The following CASQ2 variants were observed in gnomAD, a reference collection of about 807,000 sequenced individuals.
CASQ2 encodes calsequestrin-2.
Under a neutral mutation model 46.5 loss-of-function variants are expected in CASQ2, and 49 were observed. That is an observed-to-expected ratio of 1.05 (90% CI 0.84 to 1.34). CASQ2 has a LOEUF of 1.34. CASQ2 is among the 40% of genes most tolerant of loss of function. The pLI is 0.00. For synonymous variants in CASQ2, 174 were observed against 168.5 expected (o/e 1.03, Z -0.25); for missense variants, 486 against 481.3 (o/e 1.01, Z -0.09).
At chr1:115,762,918 A>G (rs1323347677) in intron 1 of CASQ2, among the ~76,000 whole-genome samples, 1 of 152,016 alleles carries the variant, frequency 6.6e-6, no homozygotes, top group African/African-American at 2.4e-5. Flanking sequence ...GGGCTCAGGA[A>G]CTCACAATGT....
At position 115,701,253 on chromosome 1, in the gene CASQ2, ATCG is replaced by A. The variant is rs397516641; in HGVS notation, c.1185_1187del (p.Asp398del). 9,812 of 1,600,538 alleles carry A rather than the reference ATCG, an allele frequency of 6.1e-3. 55 individuals are homozygous for A. Among genetic ancestry groups the A allele is most frequent in the Non-Finnish European group, 7.6e-3 (8,831 of 1,168,318 alleles). ...GTTTGGAGTTGGGCTATTCATCATCATCGTCATCACTGTCATCATTATCCTCTT... is the reference window on the plus strand; with the variant it reads ...GTTTGGAGTTGGGCTATTCATCATCATCATCACTGTCATCATTATCCTCTT... On this transcript the variant is annotated inframe_deletion, in exon 11 of 11. Coordinates refer to ENST00000261448, the MANE Select transcript of CASQ2 (RefSeq NM_001232.4).
rs1179094272 is a variant in CASQ2, at chr1:115,701,268, A to T, written c.1173T>A (p.Asp391Glu). ...ATTCATCATCATCGTCATCACTGTCATCATTATCCTCTTCATCAGAATTAT... is the reference window on the plus strand; with the variant it reads ...ATTCATCATCATCGTCATCACTGTCTTCATTATCCTCTTCATCAGAATTAT... ...DDDNSDEEDN[D>E]DSDDDDDE is the part of the protein sequence containing the mutation. The change falls in exon 11 of 11, where the codon GAT becomes GAA. Residue 391 changes from aspartate to glutamate, a missense_variant. Coordinates refer to ENST00000261448, the MANE Select transcript of CASQ2 (RefSeq NM_001232.4). 1 of 1,605,870 alleles carries T rather than the reference A, an allele frequency of 6.2e-7. No homozygotes were observed. The highest frequency in any genetic ancestry group is 8.5e-7 in the Non-Finnish European group (1 of 1,172,636).
chr1:115,733,932 A>C (rs2101087259), intron 4 of CASQ2, among the ~76,000 whole-genome samples: 1 of 152,356 alleles, frequency 6.6e-6, no homozygotes, highest in South Asian at 2.1e-4. Context: ...GAGGATACCA[A>C]AATGAATAAG....
At position 115,700,783 on chromosome 1, in the gene CASQ2, C is replaced by T. The variant is rs553281968; in HGVS notation, c.*458G>A. 1.8e-4 allele frequency: 79 copies of T among 451,366 alleles called. 1 individual carries two copies. The highest frequency in any genetic ancestry group is 1.6e-3 in the South Asian group (25 of 15,572). The allele number at this position is 451,366 out of a possible 1,614,324, so 28.0% of individuals were successfully genotyped here. ...TGGAGGAGGGATCCCAACTGATGTT[C>T]GAGGTATGGAGGGAGCTAAATCATT... On this transcript the variant is annotated 3_prime_UTR_variant, in exon 11 of 11. Coordinates refer to ENST00000261448, the MANE Select transcript of CASQ2 (RefSeq NM_001232.4).
At chr1:115,762,083 C>A (rs911049337) in intron 1 of CASQ2, among the ~76,000 whole-genome samples, 1 of 152,164 alleles carries the variant, frequency 6.6e-6, no homozygotes, top group African/African-American at 2.4e-5. Context: ...CGGGCAGCAG[C>A]CTTAGACTTT....
At chr1:115,735,400 T>C (rs575595149) in intron 4 of CASQ2, among the ~76,000 whole-genome samples, 2 of 152,338 alleles carry the variant, frequency 1.3e-5, no homozygotes, top group African/African-American at 4.8e-5. Context: ...ATGCTTACTT[T>C]GAAAATATTT....
At chr1:115,730,308 C>T (rs1647741945) in intron 5 of CASQ2, among the ~76,000 whole-genome samples, 1 of 152,200 alleles carries the variant, frequency 6.6e-6, no homozygotes, top group Admixed American at 6.5e-5. Flanking sequence ...ACATCTCACC[C>T]TCTTTACAGT....
chr1:115,756,231 G>T lies in CASQ2; in HGVS notation c.235-11319C>A, dbSNP rs115827328. On this transcript the variant is annotated intron_variant, in intron 1 of 10. Transcript: ENST00000261448. ...GAACTGGCACTCCGGGCACACAGAA[G>T]CAGCTCTGGCTTGCCTAGCCCATCA... Among the ~76,000 whole-genome samples the T allele has an allele frequency of 2.2e-3, 332 of 152,296 alleles. 2 individuals carry two copies. Among genetic ancestry groups the T allele is most frequent in the Non-Finnish European group, 3.8e-3 (260 of 68,028 alleles).
Position 115,762,010 on chromosome 1 carries a change from T to C in CASQ2, c.234+6298A>G, listed in dbSNP as rs547741691. ...TAGCAGAGCATCCCAACAGCCTCTA[T>C]TGGTGAGCTAAAATGAGACCTTCTT... is the stretch of plus-strand genomic sequence containing the variant. On this transcript the variant is annotated intron_variant, in intron 1 of 10. Transcript: ENST00000261448. Among the ~76,000 whole-genome samples the C allele has an allele frequency of 3.9e-5, 6 of 152,298 alleles. No individual in the cohort carries two copies. In the East Asian group the frequency reaches 9.7e-4, roughly 25 times the overall value.
At chr1:115,757,464 A>G (rs1163971242) in intron 1 of CASQ2, among the ~76,000 whole-genome samples, 2 of 152,176 alleles carry the variant, frequency 1.3e-5, no homozygotes, top group Middle Eastern at 3.2e-3. Context: ...TTGGTCAGTG[A>G]ACAGTTGGAA....
chr1:115,703,526 C>A (rs993829856), intron 9 of CASQ2, among the ~76,000 whole-genome samples: 1 of 152,000 alleles, frequency 6.6e-6, no homozygotes, highest in Non-Finnish European at 1.5e-5. Flanking sequence ...GGTAGGAAAT[C>A]TCCCACGCAA....
intron 1 of CASQ2, among the ~76,000 whole-genome samples, chr1:115,747,909 C>A (rs1234677844): frequency 6.6e-6 from 1 of 152,108 alleles, no homozygotes; most frequent in Non-Finnish European, 1.5e-5. Flanking sequence ...CTAATAATTT[C>A]TTCCTTTTTC....
chr1:115,739,010 C>T (rs1172214118), intron 3 of CASQ2, among the ~76,000 whole-genome samples: 1 of 146,764 alleles, frequency 6.8e-6, no homozygotes, highest in Non-Finnish European at 1.5e-5. Context: ...TTTCACTTAA[C>T]ATAATGTTCT....
intron 1 of CASQ2, 78 bp from the exon 2 acceptor site, chr1:115,744,990 G>T: frequency 1.9e-6 from 2 of 1,026,450 alleles, no homozygotes; most frequent in Non-Finnish European, 3.1e-6. Flanking sequence ...CTATCCTCAT[G>T]TATCAATGGA....
chr1:115,764,467 TG>T (rs1251049856), intron 1 of CASQ2, among the ~76,000 whole-genome samples: 2 of 152,236 alleles, frequency 1.3e-5, no homozygotes, highest in Admixed American at 6.5e-5. Context: ...TTACTTTTAT[TG>T]CCTTTTAGTT....
intron 3 of CASQ2, among the ~76,000 whole-genome samples, chr1:115,739,423 C>T (rs1648101899): frequency 6.6e-6 from 1 of 152,116 alleles, no homozygotes; most frequent in African/African-American, 2.4e-5. Flanking sequence ...CCATGTACCA[C>T]ATTTTTTTTA....
chr1:115,725,119 C>T (rs969916332), intron 7 of CASQ2, among the ~76,000 whole-genome samples: 7 of 152,050 alleles, frequency 4.6e-5, no homozygotes, highest in South Asian at 2.1e-4. Flanking sequence ...CAGGCTGGAG[C>T]GCAGTGCCAG....
chr1:115,742,323 C>T (rs7518005), intron 2 of CASQ2, among the ~76,000 whole-genome samples: 108,073 of 152,030 alleles, frequency 0.71, 42,133 homozygotes, highest in Non-Finnish European at 0.88. Flanking sequence ...CAAAAGGTGC[C>T]CTAGGGAACA....
chr1:115,744,903 G>A lies in CASQ2; in HGVS notation c.244C>T (p.Gln82Ter). The A allele has an allele frequency of 3.1e-6, 5 of 1,612,562 alleles. No individual in the cohort carries two copies. Among genetic ancestry groups the A allele is most frequent in the Non-Finnish European group, 4.2e-6 (5 of 1,178,834 alleles). The change falls in exon 2 of 11, where the codon CAG becomes TAG. Residue 82 changes from glutamine to a stop codon, truncating the protein, a stop_gained. Coordinates refer to ENST00000261448, the MANE Select transcript of CASQ2 (RefSeq NM_001232.4). LOFTEE classifies it high-confidence loss of function. ...CCTATAGCTTTATGTTCAAGGACCT[G>A]GGCCACAAGCTGAAGAAACAAATGG... ...LKEIVLELVAQVLEHKAIGFV... is the reference protein window; with the variant it reads ...LKEIVLELVA
Sources: allele counts gnomAD v4.1 joint callset (sites outside exome capture counted in the v4.1 genomes callset), GRCh38; gene constraint gnomAD v4.1.1; transcripts MANE v1.5; gene names NCBI Gene and HGNC (gene_info 2026-07-23, HGNC 2026-07-21).